SPIDR: variants seen among roughly 807,000 people sequenced by gnomAD.
SPIDR encodes the protein scaffold protein involved in DNA repair.
A neutral mutation model predicts 104.6 loss-of-function variants in SPIDR; 93 were observed. The observed-to-expected ratio is 0.89, with a 90% CI of 0.75 to 1.06. SPIDR has a LOEUF of 1.06. Among genes scored for constraint, SPIDR ranks in the 50% least tolerant of loss-of-function variants. The pLI, the probability that SPIDR is intolerant of heterozygous loss-of-function variation, is 0.00. For synonymous variants in SPIDR, 431 were observed against 416.9 expected, an observed-to-expected ratio of 1.03 and a Z score of -0.41; for missense variants, 1,154 against 1,111.2, an observed-to-expected ratio of 1.04 and a Z score of -0.55.
intron 8 of SPIDR, among the ~76,000 whole-genome samples, chr8:47,463,228 G>T (rs1399824149): frequency 6.6e-6 from 1 of 151,870 alleles, no homozygotes; most frequent in Non-Finnish European, 1.5e-5. Context: ...GGGCATGGTG[G>T]TGGGCGCCCG....
At chr8:47,323,270 ATCT>A (rs556202654) in intron 5 of SPIDR, among the ~76,000 whole-genome samples, 21 of 152,244 alleles carry the variant, frequency 1.4e-4, no homozygotes, top group African/African-American at 4.3e-4. Flanking sequence ...TGTGTGAAAA[ATCT>A]TCTCAGGGAA....
intron 7 of SPIDR, among the ~76,000 whole-genome samples, chr8:47,427,745 G>T (rs141885037): frequency 2.6e-5 from 4 of 152,082 alleles, no homozygotes; most frequent in Non-Finnish European, 5.9e-5. Flanking sequence ...ACAGAGTGGG[G>T]TTTCCTCGGT....
intron 10 of SPIDR, among the ~76,000 whole-genome samples, chr8:47,608,382 C>A (rs891140005): frequency 1.3e-5 from 2 of 152,158 alleles, no homozygotes; most frequent in Non-Finnish European, 2.9e-5. Context: ...TTATGATTAA[C>A]ATGAATAGTG....
rs1011696766 is a variant in SPIDR, at chr8:47,469,227, G to A, written c.1097+28685G>A. On this transcript the variant is annotated intron_variant, in intron 8 of 19. Transcript: ENST00000297423. The stretch of plus-strand genomic sequence containing the variant: ...GGCAAGGTTGTGGAGAAAAAGGAAT[G>A]TTTGTACACTGTTGGTGGGAGTATA... 1.1e-4 allele frequency among the ~76,000 whole-genome samples: 16 copies of A among 152,278 alleles called. No homozygotes were observed. In the East Asian group the frequency reaches 2.3e-3, roughly 22 times the overall value.
At chr8:47,552,715 A>C (rs1253442270) in intron 8 of SPIDR, among the ~76,000 whole-genome samples, 1 of 152,024 alleles carries the variant, frequency 6.6e-6, no homozygotes, top group Non-Finnish European at 1.5e-5. Context: ...TCTTTATCCA[A>C]TTTGCCAGTC....
intron 8 of SPIDR, among the ~76,000 whole-genome samples, chr8:47,546,350 A>G (rs977401789): frequency 4.6e-5 from 7 of 152,112 alleles, no homozygotes; most frequent in African/African-American, 1.7e-4. Flanking sequence ...GTATTTTTTC[A>G]AGGAACTGGT....
intron 5 of SPIDR, among the ~76,000 whole-genome samples, chr8:47,342,854 A>G (rs191239685): frequency 6.6e-6 from 1 of 152,324 alleles, no homozygotes; most frequent in African/African-American, 2.4e-5. Flanking sequence ...AAACCAGACT[A>G]GTCATATTTA....
chr8:47,309,516 C>A (rs1362554632), intron 5 of SPIDR, among the ~76,000 whole-genome samples: 1 of 152,172 alleles, frequency 6.6e-6, no homozygotes, highest in African/African-American at 2.4e-5. Flanking sequence ...TCTTGTATAG[C>A]TGAACTTTAG....
rs1248270347 is a variant in SPIDR, at chr8:47,373,146, A to G, written c.526-23230A>G. On this transcript the variant is annotated intron_variant, in intron 5 of 19. Coordinates refer to ENST00000297423, the MANE Select transcript of SPIDR (RefSeq NM_001080394.4). ...TAGTATAAAATTATTAAAAATCTTCAGTTCACCAGAGAAGTAGTATTTCAG... is the reference window on the plus strand; with the variant it reads ...TAGTATAAAATTATTAAAAATCTTCGGTTCACCAGAGAAGTAGTATTTCAG... 2.0e-5 allele frequency among the ~76,000 whole-genome samples: 3 copies of G among 152,362 alleles called. No homozygotes were observed. In the East Asian group the frequency reaches 5.8e-4, roughly 29 times the overall value.
intron 8 of SPIDR, among the ~76,000 whole-genome samples, chr8:47,478,081 G>T (rs1554724650): frequency 6.6e-6 from 1 of 152,218 alleles, no homozygotes; most frequent in African/African-American, 2.4e-5. Context: ...GGCGTGAAGG[G>T]CTGACACTTC....
intron 10 of SPIDR, among the ~76,000 whole-genome samples, chr8:47,657,545 GACAC>G (rs1239064301): frequency 1.3e-5 from 2 of 152,086 alleles, no homozygotes; most frequent in Non-Finnish European, 2.9e-5. Context: ...CTAAATATGT[GACAC>G]ACATACAAGT....
chr8:47,312,613 G>C (rs587633915), intron 5 of SPIDR, among the ~76,000 whole-genome samples: 90 of 152,256 alleles, frequency 5.9e-4, no homozygotes, highest in African/African-American at 2.0e-3. Flanking sequence ...GTAGATTCTG[G>C]ATATTAGCCC....
chr8:47,323,461 G>A (rs1464991887), intron 5 of SPIDR, among the ~76,000 whole-genome samples: 1 of 152,150 alleles, frequency 6.6e-6, no homozygotes, highest in Non-Finnish European at 1.5e-5. Context: ...CCGTAGACAT[G>A]GAATGTATAG....
chr8:47,268,715 C>T (rs1214480610), intron 1 of SPIDR, among the ~76,000 whole-genome samples: 1 of 152,128 alleles, frequency 6.6e-6, no homozygotes, highest in African/African-American at 2.4e-5. Context: ...GTTTTGGCCT[C>T]CCAAAGCTCT....
At chr8:47,576,496 C>G (rs181859190) in intron 8 of SPIDR, among the ~76,000 whole-genome samples, 13 of 150,678 alleles carry the variant, frequency 8.6e-5, no homozygotes, top group Non-Finnish European at 1.5e-4. Context: ...TGCAGTGGCA[C>G]GATCTTGACT....
chr8:47,277,311 G>A (rs1193798404), intron 1 of SPIDR, among the ~76,000 whole-genome samples: 1 of 128,290 alleles, frequency 7.8e-6, no homozygotes, highest in Non-Finnish European at 1.7e-5. Flanking sequence ...TTTATGTTAT[G>A]TTTGTTATGT....
intron 5 of SPIDR, among the ~76,000 whole-genome samples, chr8:47,309,821 G>A (rs1259039706): frequency 6.6e-6 from 1 of 152,010 alleles, no homozygotes; most frequent in East Asian, 1.9e-4. Flanking sequence ...GGCGGATCAC[G>A]AGGTCAGGAG....
At chr8:47,280,688 G>A (rs1006949264) in intron 2 of SPIDR, among the ~76,000 whole-genome samples, 23 of 151,954 alleles carry the variant, frequency 1.5e-4, no homozygotes, top group African/African-American at 5.6e-4. Context: ...CACTGTGCCC[G>A]GCTGCCTGGC....
intron 1 of SPIDR, among the ~76,000 whole-genome samples, chr8:47,263,594 C>T (rs375566634): frequency 6.6e-6 from 1 of 152,238 alleles, no homozygotes; most frequent in African/African-American, 2.4e-5. Context: ...GCTGGGATTA[C>T]AGGCGTGAGC....
Sources: allele counts gnomAD v4.1 joint callset (sites outside exome capture counted in the v4.1 genomes callset), GRCh38; gene constraint gnomAD v4.1.1; transcripts MANE v1.5; gene names NCBI Gene and HGNC (gene_info 2026-07-23, HGNC 2026-07-21).